The following TLN2 variants were observed in gnomAD, a reference collection of about 807,000 sequenced individuals.
TLN2 encodes talin 2.
In TLN2, 118 loss-of-function variants were observed where a neutral mutation model predicts 294.7. That is an observed-to-expected ratio of 0.40 (90% CI 0.34 to 0.47). The LOEUF (loss-of-function observed/expected upper bound fraction) is 0.47. Among genes scored for constraint, TLN2 ranks in the 20% least tolerant of loss-of-function variants. The pLI is 0.84. For synonymous variants in TLN2, 1,431 were observed against 1,304.5 expected (o/e 1.10, Z -2.09); for missense variants, 3,083 against 3,282.2 (o/e 0.94, Z 1.48).
chr15:62,562,939 C>CACACACACACACAG (rs2043090546), intron 1 of TLN2, among the ~76,000 whole-genome samples: 1 of 149,328 alleles, frequency 6.7e-6, no homozygotes, highest in African/African-American at 2.5e-5. Flanking sequence ...CACACACACA[C>CACACACACACACAG]ACACACACAC....
At chr15:62,467,961 G>A (rs2037238502) in intron 1 of TLN2, among the ~76,000 whole-genome samples, 1 of 152,038 alleles carries the variant, frequency 6.6e-6, no homozygotes, top group African/African-American at 2.4e-5. Context: ...GCATAGTCTT[G>A]GGTAAGTTCA....
chr15:62,438,298 G>A (rs954073665), intron 1 of TLN2, among the ~76,000 whole-genome samples: 2 of 77,500 alleles, frequency 2.6e-5, no homozygotes, highest in African/African-American at 7.4e-5. Flanking sequence ...AGGGAGTGGG[G>A]GCTATTACAC....
At position 62,763,316 on chromosome 15, in the gene TLN2, A is replaced by C. The variant is rs181966833; in HGVS notation, c.4962-247A>C. 5.2e-4 allele frequency: 174 copies of C among 331,836 alleles called. 1 individual carries two copies. Among genetic ancestry groups the C allele is most frequent in the Admixed American group, 3.4e-3 (69 of 20,396 alleles). 20.6% of individuals were successfully genotyped at this position (331,836 alleles called of 1,614,324 possible). A position where few individuals can be genotyped will look rare whatever the true frequency, so the allele number is the denominator to read the frequency against. On this transcript the variant is annotated intron_variant, in intron 39 of 58. Coordinates refer to ENST00000636159, the MANE Select transcript of TLN2 (RefSeq NM_015059.3). ...GCTTCCTTTGCAGTTGCCTGGTATC[A>C]GCCTAAGGTGGAGGGCAGGACCATA...
chr15:62,749,848 A>G lies in TLN2; in HGVS notation c.4120-554A>G, dbSNP rs1265254518. Among the ~76,000 whole-genome samples, 3 of 152,308 alleles carry G rather than the reference A, an allele frequency of 2.0e-5. No homozygotes were observed. In the East Asian group the frequency reaches 5.8e-4, roughly 29 times the overall value. On this transcript the variant is annotated intron_variant, in intron 33 of 58. Coordinates refer to ENST00000636159, the MANE Select transcript of TLN2 (RefSeq NM_015059.3). ...GGCCCTATACCCATGTATTTCTTTG[A>G]TGAGGACCTAAACAACAAGAAACGT...
intron 1 of TLN2, among the ~76,000 whole-genome samples, chr15:62,421,896 T>C (rs1399271274): frequency 6.6e-6 from 1 of 152,156 alleles, no homozygotes; most frequent in East Asian, 1.9e-4. Flanking sequence ...AAGTGAGTGT[T>C]GCTGAGGGTA....
intron 9 of TLN2, 117 bp from the exon 10 acceptor site, chr15:62,673,710 T>C: frequency 4.2e-6 from 3 of 706,402 alleles, no homozygotes; most frequent in Non-Finnish European, 7.2e-6. Context: ...TATTAATTAC[T>C]CTATAAAATA....
chr15:62,715,868 C>T (rs563350772), intron 22 of TLN2, among the ~76,000 whole-genome samples: 2 of 152,300 alleles, frequency 1.3e-5, no homozygotes, highest in African/African-American at 4.8e-5. Flanking sequence ...TCCCCCTCTT[C>T]CCTCTGTCCC....
chr15:62,658,288 T>C (rs2053448093), intron 9 of TLN2: 1 of 171,598 alleles, frequency 5.8e-6, no homozygotes, highest in South Asian at 1.6e-4. Flanking sequence ...GCATGAGATG[T>C]GTCCAGCAGG....
At chr15:62,839,680 T>C (rs1045516756) in intron 58 of TLN2, among the ~76,000 whole-genome samples, 13 of 152,232 alleles carry the variant, frequency 8.5e-5, no homozygotes, top group African/African-American at 3.1e-4. Context: ...TCAGGAGCAC[T>C]GAAGTTATTC....
chr15:62,432,528 A>G (rs1328865163), intron 1 of TLN2, among the ~76,000 whole-genome samples: 2 of 152,042 alleles, frequency 1.3e-5, no homozygotes, highest in African/African-American at 4.8e-5. Flanking sequence ...TTTCTAACAT[A>G]TGAATTTTGG....
At chr15:62,451,893 C>G (rs928999402) in intron 1 of TLN2, among the ~76,000 whole-genome samples, 4 of 152,206 alleles carry the variant, frequency 2.6e-5, no homozygotes, top group African/African-American at 9.6e-5. Context: ...GGCAGACGAC[C>G]TGCAGTTTTA....
At position 62,805,780 on chromosome 15, in the gene TLN2, T is replaced by C; in HGVS notation, c.6658T>C (p.Cys2220Arg). 6.2e-7 allele frequency: 1 copy of C among 1,613,118 alleles called. No individual in the cohort carries two copies. The highest frequency in any genetic ancestry group is 8.5e-7 in the Non-Finnish European group (1 of 1,179,246). ...AGCCGTGTCAGATATGTTGACGGCT[T>C]GCAAGGTAAAGAGCTTGGCATGGTT... is the stretch of plus-strand genomic sequence containing the variant. The part of the protein sequence containing the change: ...RKAVSDMLTA[C>R]KQASFHPDVS... The change falls in exon 51 of 59, where the codon TGC becomes CGC. Residue 2220 changes from cysteine (C) to arginine (R), a missense_variant. Cys to Arg is a radical substitution (Grantham distance 180, BLOSUM62 -3). Coordinates refer to ENST00000636159, the MANE Select transcript of TLN2 (RefSeq NM_015059.3).
intron 2 of TLN2, among the ~76,000 whole-genome samples, chr15:62,592,260 T>G (rs935026930): frequency 2.0e-5 from 3 of 152,194 alleles, no homozygotes; most frequent in African/African-American, 7.2e-5. Context: ...CTGCGTTGAT[T>G]GGAATATGGT....
intron 41 of TLN2, among the ~76,000 whole-genome samples, chr15:62,768,380 C>T (rs535192653): frequency 3.3e-4 from 51 of 152,302 alleles, no homozygotes; most frequent in African/African-American, 8.2e-4. Context: ...TCCCTGCTTT[C>T]GTAATCACAT....
At chr15:62,758,888 T>G (rs1486889641) in intron 37 of TLN2, among the ~76,000 whole-genome samples, 4 of 152,228 alleles carry the variant, frequency 2.6e-5, no homozygotes, top group Admixed American at 1.3e-4. Flanking sequence ...TTTTATTGTC[T>G]GGAGAATTGG....
In TLN2 at chr15:62,805,767, T is replaced by C. The variant is rs1358927270; in HGVS notation, c.6645T>C (p.Asp2215=). Residue 2215 remains aspartate (D), a synonymous_variant, in exon 51 of 59, where the codon GAT becomes GAC. Coordinates refer to ENST00000636159, the MANE Select transcript of TLN2 (RefSeq NM_015059.3). ...TANLSRKAVS[D]MLTACKQASF... ...ACCTGAGCCGGAAAGCCGTGTCAGATATGTTGACGGCTTGCAAGGTAAAGA... is the reference window on the plus strand; with the variant it reads ...ACCTGAGCCGGAAAGCCGTGTCAGACATGTTGACGGCTTGCAAGGTAAAGA... 6.2e-7 allele frequency: 1 copy of C among 1,613,878 alleles called. No individual in the cohort carries two copies. Among genetic ancestry groups the C allele is most frequent in the Non-Finnish European group, 8.5e-7 (1 of 1,179,794 alleles).
At chr15:62,604,773 A>G (rs112681336) in intron 2 of TLN2, among the ~76,000 whole-genome samples, 2,770 of 150,864 alleles carry the variant, frequency 0.018, 55 homozygotes, top group South Asian at 0.069. Flanking sequence ...TAAGGGATTT[A>G]TATTAATCTC....
intron 2 of TLN2, among the ~76,000 whole-genome samples, chr15:62,604,799 C>G (rs560528430): frequency 4.6e-4 from 70 of 150,866 alleles, no homozygotes; most frequent in African/African-American, 1.6e-3. Context: ...GCTGTGTTCT[C>G]TGATTTTCCA....
intron 1 of TLN2, among the ~76,000 whole-genome samples, chr15:62,564,905 CAAAAA>C (rs60087745): frequency 2.8e-3 from 318 of 112,798 alleles, no homozygotes; most frequent in African/African-American, 0.01. Flanking sequence ...AACTCCATCT[CAAAAA>C]AAAAAAAAAA....
Sources: allele counts gnomAD v4.1 joint callset (sites outside exome capture counted in the v4.1 genomes callset), GRCh38; gene constraint gnomAD v4.1.1; transcripts MANE v1.5; gene names NCBI Gene and HGNC (gene_info 2026-07-23, HGNC 2026-07-21).